MFHAS1: variants seen among roughly 807,000 people sequenced by gnomAD.
The protein encoded by MFHAS1 is malignant fibrous histiocytoma-amplified sequence 1.
Under a neutral mutation model 70.4 loss-of-function variants are expected in MFHAS1, and 50 were observed. The ratio of observed to expected loss-of-function variants is 0.71; its 90% confidence interval spans 0.57 to 0.90. The LOEUF (loss-of-function observed/expected upper bound fraction) is 0.90. Among genes scored for constraint, MFHAS1 ranks in the 40% least tolerant of loss-of-function variants. MFHAS1 has a pLI of 0.00. For synonymous variants in MFHAS1, 952 were observed against 620.0 expected (o/e 1.54, Z -7.96); for missense variants, 1,795 against 1,347.6 (o/e 1.33, Z -5.20).
chr8:8,849,888 G>A (rs1056529331), intron 1 of MFHAS1, among the ~76,000 whole-genome samples: 1 of 152,194 alleles, frequency 6.6e-6, no homozygotes, highest in African/African-American at 2.4e-5. Flanking sequence ...TTAAGAAAAT[G>A]TACTTTCCTT....
chr8:8,839,476 G>T (rs766402309), intron 1 of MFHAS1, among the ~76,000 whole-genome samples: 1 of 152,152 alleles, frequency 6.6e-6, no homozygotes, highest in Non-Finnish European at 1.5e-5. Flanking sequence ...CACTAGGCTG[G>T]AAATGAGATA....
intron 1 of MFHAS1, among the ~76,000 whole-genome samples, chr8:8,885,044 G>A (rs533429609): frequency 7.2e-5 from 11 of 151,984 alleles, no homozygotes; most frequent in Non-Finnish European, 1.5e-4. Context: ...ACTAAGTCTC[G>A]GGTGTGTCTC....
intron 1 of MFHAS1, among the ~76,000 whole-genome samples, chr8:8,825,606 C>A (rs145838357): frequency 6.6e-6 from 1 of 152,280 alleles, no homozygotes; most frequent in East Asian, 1.9e-4. Flanking sequence ...CTTCACGTGG[C>A]CTTCCCTCTG....
chr8:8,836,508 G>C (rs1342902361), intron 1 of MFHAS1, among the ~76,000 whole-genome samples: 1 of 152,038 alleles, frequency 6.6e-6, no homozygotes, highest in East Asian at 1.9e-4. Context: ...CCTCCAAAAA[G>C]CTGGAGACTA....
At chr8:8,878,536 A>G (rs1563217205) in intron 1 of MFHAS1, among the ~76,000 whole-genome samples, 1 of 152,214 alleles carries the variant, frequency 6.6e-6, no homozygotes, top group Non-Finnish European at 1.5e-5. Flanking sequence ...TACCTTTATG[A>G]CATGAAAAAC....
Position 8,893,332 on chromosome 8 carries a change from C to G in MFHAS1, c.-274G>C, listed in dbSNP as rs1810176066. 6.8e-6 allele frequency: 1 copy of G among 146,884 alleles called. No individual in the cohort carries two copies. 9.1% of individuals were successfully genotyped at this position (146,884 alleles called of 1,614,324 possible). On this transcript the variant is annotated 5_prime_UTR_variant, in exon 1 of 3. Coordinates refer to ENST00000276282, the MANE Select transcript of MFHAS1 (RefSeq NM_004225.3). ...CGCCGGGCAGCAGGGCCGCCGCCCG[C>G]GCGCCGCGGAGGATGCCTGCTCCTC...
chr8:8,844,583 C>T (rs551357479), intron 1 of MFHAS1, among the ~76,000 whole-genome samples: 22 of 152,344 alleles, frequency 1.4e-4, no homozygotes, highest in African/African-American at 4.6e-4. Flanking sequence ...CTTCTGTCCA[C>T]CTTCTCGGGC....
Position 8,814,552 on chromosome 8 carries a change from A to C in MFHAS1, c.2999-17061T>G, listed in dbSNP as rs147905738. Reference sequence around the variant, plus strand: ...TTATTTAAATGGTAAGCCTGTCATGAAAGTTAAAAAAGTTAAGCTCTTCCA... The same window carrying C: ...TTATTTAAATGGTAAGCCTGTCATGCAAGTTAAAAAAGTTAAGCTCTTCCA... On this transcript the variant is annotated intron_variant, in intron 1 of 2. Coordinates refer to ENST00000276282, the MANE Select transcript of MFHAS1 (RefSeq NM_004225.3). Among the ~76,000 whole-genome samples the C allele has an allele frequency of 1.5e-4, 23 of 152,372 alleles. No homozygotes were observed. The East Asian group carries it at 3.5e-3, about 23-fold the overall frequency.
intron 1 of MFHAS1, among the ~76,000 whole-genome samples, chr8:8,834,450 A>G (rs1001436829): frequency 3.3e-5 from 5 of 152,214 alleles, no homozygotes; most frequent in African/African-American, 1.2e-4. Context: ...CGTGCCCTAT[A>G]CAAGTGCACC....
intron 1 of MFHAS1, among the ~76,000 whole-genome samples, chr8:8,876,913 G>C (rs1381505585): frequency 6.6e-6 from 1 of 151,534 alleles, no homozygotes; most frequent in Non-Finnish European, 1.5e-5. Flanking sequence ...CAGCCTGCAT[G>C]ACAGAGCAAG....
intron 1 of MFHAS1, among the ~76,000 whole-genome samples, chr8:8,880,024 G>A (rs771731360): frequency 1.5e-4 from 23 of 152,136 alleles, no homozygotes; most frequent in African/African-American, 3.4e-4. Flanking sequence ...TCTCTTCTAC[G>A]TGTTCTTTAC....
intron 1 of MFHAS1, chr8:8,822,024 G>C (rs1019361999): frequency 1.3e-5 from 2 of 152,442 alleles, no homozygotes; most frequent in African/African-American, 4.8e-5. Context: ...TCGTAAGACT[G>C]TGGTGAAGCC....
Position 8,784,161 on chromosome 8 carries a change from C to G in MFHAS1, c.*1861G>C, listed in dbSNP as rs1327630199. On this transcript the variant is annotated 3_prime_UTR_variant, in exon 3 of 3. Transcript: ENST00000276282. The stretch of plus-strand genomic sequence containing the variant: ...ATACAAATAAGCCTTTTTCTAAAGA[C>G]AGGTCAAAGTTGGTTAATTTAACAG... The G allele has an allele frequency of 6.6e-6, 1 of 152,130 alleles. No individual in the cohort carries two copies. The highest frequency in any genetic ancestry group is 1.5e-5 in the Non-Finnish European group (1 of 68,038). The allele number at this position is 152,130 out of a possible 1,614,324, so 9.4% of individuals were successfully genotyped here. A position where few individuals can be genotyped will look rare whatever the true frequency, so the allele number is the denominator to read the frequency against.
Position 8,784,141 on chromosome 8 carries a change from A to C in MFHAS1, c.*1881T>G, listed in dbSNP as rs1412703546. The C allele has an allele frequency of 1.3e-5, 2 of 152,192 alleles. No homozygotes were observed. Among genetic ancestry groups the C allele is most frequent in the Non-Finnish European group, 2.9e-5 (2 of 68,040 alleles). 9.4% of individuals were successfully genotyped at this position (152,192 alleles called of 1,614,324 possible). On this transcript the variant is annotated 3_prime_UTR_variant, in exon 3 of 3. Coordinates refer to ENST00000276282, the MANE Select transcript of MFHAS1 (RefSeq NM_004225.3). ...CGGGGAGTTAGCCCAAAATCATACA[A>C]ATAAGCCTTTTTCTAAAGACAGGTC...
intron 1 of MFHAS1, among the ~76,000 whole-genome samples, chr8:8,824,531 A>T (rs1175491612): frequency 0.049 from 2,219 of 44,894 alleles, 49 homozygotes; most frequent in African/African-American, 0.085. Flanking sequence ...TCACACACAC[A>T]CACACACACA....
At chr8:8,822,565 G>C (rs554879475) in intron 1 of MFHAS1, among the ~76,000 whole-genome samples, 38 of 150,422 alleles carry the variant, frequency 2.5e-4, no homozygotes, top group Non-Finnish European at 4.9e-4. Flanking sequence ...CAAGTCAGGG[G>C]GCCTGAGGTG....
Position 8,860,185 on chromosome 8 carries a change from G to A in MFHAS1, c.2998+29876C>T, listed in dbSNP as rs181567310. Among the ~76,000 whole-genome samples the A allele has an allele frequency of 3.3e-5, 5 of 152,310 alleles. No homozygotes were observed. In the East Asian group the frequency reaches 9.6e-4, roughly 29 times the overall value. ...GCACACGCAGGCCTGAGATTCCACA[G>A]AAAGAGCACAGAACAAAAGATGGAA... On this transcript the variant is annotated intron_variant, in intron 1 of 2. Transcript: ENST00000276282.
intron 1 of MFHAS1, among the ~76,000 whole-genome samples, chr8:8,807,261 A>G (rs1806324748): frequency 6.6e-6 from 1 of 152,128 alleles, no homozygotes; most frequent in South Asian, 2.1e-4. Context: ...GAATCTCATT[A>G]TCTCAGAAAA....
chr8:8,820,868 T>C (rs1437985965), intron 1 of MFHAS1, among the ~76,000 whole-genome samples: 1 of 152,210 alleles, frequency 6.6e-6, no homozygotes, highest in Non-Finnish European at 1.5e-5. Context: ...ATGATCTAAG[T>C]GGAGAGCCAC....
Sources: allele counts gnomAD v4.1 joint callset (sites outside exome capture counted in the v4.1 genomes callset), GRCh38; gene constraint gnomAD v4.1.1; transcripts MANE v1.5; gene names NCBI Gene and HGNC (gene_info 2026-07-23, HGNC 2026-07-21).